The following COP1 variants were observed in gnomAD, a reference collection of about 807,000 sequenced individuals.
COP1 encodes the protein E3 ubiquitin-protein ligase COP1.
Under a neutral mutation model 101.3 loss-of-function variants are expected in COP1, and 24 were observed. The ratio of observed to expected loss-of-function variants is 0.24; its 90% CI spans 0.17 to 0.33. The LOEUF is 0.33. COP1 is among the 10% of genes least tolerant of loss of function. The probability of loss-of-function intolerance (pLI) is 1.00; values close to 1 mark genes in which losing one functional copy is unlikely to be tolerated. For synonymous variants in COP1, 347 were observed against 341.9 expected (o/e 1.01, Z -0.17); for missense variants, 663 against 906.2 (o/e 0.73, Z 3.45).
At chr1:176,178,624 G>A (rs1016605619) in intron 2 of COP1, among the ~76,000 whole-genome samples, 9 of 152,234 alleles carry the variant, frequency 5.9e-5, no homozygotes, top group East Asian at 3.9e-4. Context: ...GGCCAAGGCC[G>A]GCAGATCACC....
intron 11 of COP1, among the ~76,000 whole-genome samples, chr1:176,057,758 C>G (rs1010232169): frequency 6.6e-6 from 1 of 152,144 alleles, no homozygotes; most frequent in African/African-American, 2.4e-5. Context: ...GGCTGCCACC[C>G]CATCTGGGAA....
At chr1:176,203,074 A>C (rs1558310911) in intron 1 of COP1, among the ~76,000 whole-genome samples, 1 of 152,034 alleles carries the variant, frequency 6.6e-6, no homozygotes, top group Non-Finnish European at 1.5e-5. Flanking sequence ...GCGGTGGCTC[A>C]CGCCTGTAAT....
chr1:175,995,765 A>G (rs938747106), intron 15 of COP1, among the ~76,000 whole-genome samples: 1 of 152,234 alleles, frequency 6.6e-6, no homozygotes, highest in African/African-American at 2.4e-5. Flanking sequence ...ATAGCTTACC[A>G]ACCAAAAAGA....
At chr1:176,131,754 G>A (rs185699869) in intron 8 of COP1, among the ~76,000 whole-genome samples, 427 of 151,880 alleles carry the variant, frequency 2.8e-3, no homozygotes, top group African/African-American at 7.5e-3. Context: ...ATTTCAAATC[G>A]TAATCTTAAG....
chr1:176,129,929 A>T (rs1444115292), intron 8 of COP1, among the ~76,000 whole-genome samples: 1 of 151,812 alleles, frequency 6.6e-6, no homozygotes, highest in Non-Finnish European at 1.5e-5. Context: ...ACAAAAAGAT[A>T]AGACTAGGCT....
intron 11 of COP1, among the ~76,000 whole-genome samples, chr1:176,072,735 A>G (rs1253116245): frequency 2.0e-5 from 3 of 152,228 alleles, no homozygotes; most frequent in African/African-American, 4.8e-5. Flanking sequence ...TGCTGCAATT[A>G]TAAATTGAAA....
intron 3 of COP1, 108 bp downstream of exon 3, chr1:176,175,802 G>A: frequency 3.3e-6 from 2 of 606,622 alleles, no homozygotes; most frequent in South Asian, 4.4e-5. Flanking sequence ...GTATACAGTA[G>A]AGAGAGACTT....
At chr1:176,083,765 T>C (rs770439831) in intron 10 of COP1, among the ~76,000 whole-genome samples, 1 of 152,168 alleles carries the variant, frequency 6.6e-6, no homozygotes, top group Non-Finnish European at 1.5e-5. Flanking sequence ...ATCAACCTCT[T>C]AGGTACACCG....
rs1553232073 is a variant in COP1 at position 176,036,520 on chromosome 1, A to AAC, written c.1612+6665_1612+6666insGT. The stretch of plus-strand genomic sequence containing the variant: ...AAAACAAAAAAACAAAAAAAAAAAA[A>AAC]AAAAAAGCATGGCTACAAACCCTAG... On this transcript the variant is annotated intron_variant, in intron 14 of 19. Transcript: ENST00000367669. Among the ~76,000 whole-genome samples the AAC allele has an allele frequency of 4.6e-3, 662 of 143,808 alleles. 3 individuals are homozygous for AAC. Among genetic ancestry groups the AAC allele is most frequent in the African/African-American group, 0.016 (619 of 39,466 alleles). The allele number at this position is 143,808 out of a possible 152,430, so 94.3% of individuals were successfully genotyped here.
chr1:176,141,935 T>G (rs141290680), intron 6 of COP1, among the ~76,000 whole-genome samples: 1 of 152,044 alleles, frequency 6.6e-6, no homozygotes, highest in African/African-American at 2.4e-5. Context: ...AGTCTCACTA[T>G]ATTGTCCAGG....
At chr1:175,968,350 T>C in intron 18 of COP1, 1 of 471,674 alleles carries the variant, frequency 2.1e-6, no homozygotes, top group Non-Finnish European at 4.2e-6. Flanking sequence ...CAGCAGATAC[T>C]GAATAAAATG....
intron 11 of COP1, among the ~76,000 whole-genome samples, chr1:176,049,040 C>T (rs1436109301): frequency 1.3e-5 from 2 of 151,378 alleles, no homozygotes; most frequent in African/African-American, 2.4e-5. Flanking sequence ...GGCGCGGTGG[C>T]GGGCGCCTGT....
intron 12 of COP1, among the ~76,000 whole-genome samples, chr1:176,044,070 T>C (rs183077645): frequency 5.9e-5 from 9 of 152,312 alleles, no homozygotes; most frequent in Admixed American, 1.3e-4. Context: ...GATGTGAGCC[T>C]AGAGCTATCA....
At chr1:176,065,719 T>C (rs1377450550) in intron 11 of COP1, among the ~76,000 whole-genome samples, 1 of 149,392 alleles carries the variant, frequency 6.7e-6, no homozygotes, top group Admixed American at 6.7e-5. Flanking sequence ...TTTTTTTTTT[T>C]TTTTTTCAGA....
chr1:175,993,406 C>T lies in COP1; in HGVS notation c.1730-3927G>A, dbSNP rs373911733. 3.8e-4 allele frequency among the ~76,000 whole-genome samples: 58 copies of T among 152,254 alleles called. No individual in the cohort carries two copies. The East Asian group carries it at 9.7e-3, about 25-fold the overall frequency. ...AAAGCTGGATGGAGAATGGCTTTGA[C>T]GAGTTGAGAGAAGAAGGTTTCAGAT... On this transcript the variant is annotated intron_variant, in intron 15 of 19. Coordinates refer to ENST00000367669, the MANE Select transcript of COP1 (RefSeq NM_022457.7).
At chr1:176,165,339 A>T (rs1694922779) in intron 3 of COP1, among the ~76,000 whole-genome samples, 1 of 148,014 alleles carries the variant, frequency 6.8e-6, no homozygotes. Flanking sequence ...AATTCAGGTG[A>T]GAGAGAGAGA....
At chr1:176,152,670 A>T (rs1278880510) in intron 5 of COP1, among the ~76,000 whole-genome samples, 7 of 151,936 alleles carry the variant, frequency 4.6e-5, no homozygotes, top group Non-Finnish European at 1.0e-4. Context: ...CTGGTCTCGA[A>T]CTCCTAAGTG....
At chr1:176,039,267 T>TA in intron 14 of COP1, among the ~76,000 whole-genome samples, 1 of 151,980 alleles carries the variant, frequency 6.6e-6, no homozygotes, top group African/African-American at 2.4e-5. Context: ...TAAGTGAAAA[T>TA]AAAAATACAA....
intron 8 of COP1, among the ~76,000 whole-genome samples, chr1:176,127,599 A>G (rs867244652): frequency 1.3e-4 from 10 of 75,134 alleles, no homozygotes; most frequent in African/African-American, 2.6e-4. Flanking sequence ...GTATGTGTAT[A>G]TATGTGTGTG....
Sources: gnomAD v4.1 joint callset for allele counts (sites outside exome capture counted in the v4.1 genomes callset) on GRCh38, gnomAD v4.1.1 for gene constraint, MANE v1.5 for transcripts, NCBI Gene and HGNC (gene_info 2026-07-23, HGNC 2026-07-21) for gene names.